The following IL6R variants were observed in gnomAD, a reference collection of about 807,000 sequenced individuals.
IL6R encodes interleukin 6 receptor, also known as interleukin-6 receptor subunit alpha.
A neutral mutation model predicts 48.3 loss-of-function variants in IL6R; 38 were observed. The observed-to-expected ratio is 0.79, with a 90% CI of 0.61 to 1.03. IL6R has a LOEUF of 1.03. IL6R is among the 50% of genes least tolerant of loss of function. The pLI is 0.00. For missense variants in IL6R, 534 were observed against 618.3 expected, an observed-to-expected ratio of 0.86 and a Z score of 1.45; for synonymous variants, 264 against 256.2, an observed-to-expected ratio of 1.03 and a Z score of -0.29.
At chr1:154,452,906 A>G (rs999960005) in intron 8 of IL6R, among the ~76,000 whole-genome samples, 2 of 149,270 alleles carry the variant, frequency 1.3e-5, no homozygotes. Flanking sequence ...GTTGGATGAA[A>G]GAAGGAACAA....
Position 154,405,397 on chromosome 1 carries a change from G to T in IL6R, c.-233G>T. ...CGCCGCTCTGAGTCATGTGCGAGTG[G>T]GAAGTCGCACTGACACTGAGCCGGG... On this transcript the variant is annotated 5_prime_UTR_variant, in exon 1 of 10. Coordinates refer to ENST00000368485, the MANE Select transcript of IL6R (RefSeq NM_000565.4). The surrounding 1 kb of genome is among the most constrained non-coding windows in gnomAD (Gnocchi z 5.2). 1 of 515,264 alleles carries T rather than the reference G, an allele frequency of 1.9e-6. No homozygotes were observed. The highest frequency in any genetic ancestry group is 3.4e-6 in the Non-Finnish European group (1 of 294,144). The allele number at this position is 515,264 out of a possible 1,614,324, so 31.9% of individuals were successfully genotyped here.
At chr1:154,409,349 C>T (rs1003714006) in intron 1 of IL6R, among the ~76,000 whole-genome samples, 1 of 152,046 alleles carries the variant, frequency 6.6e-6, no homozygotes, top group East Asian at 1.9e-4. Context: ...TTTCCTTTAT[C>T]CCCCTCTGCC....
At chr1:154,439,989 G>C (rs958243693) in intron 6 of IL6R, among the ~76,000 whole-genome samples, 1 of 151,924 alleles carries the variant, frequency 6.6e-6, no homozygotes, top group Non-Finnish European at 1.5e-5. Context: ...TGCAACCTCT[G>C]CCTCCCGGGT....
rs1557778571 is a variant in IL6R, at chr1:154,454,574, G to GT, written c.1155dup (p.Leu386SerfsTer55). ...CGGAACGCTCCTCTGCATTGCCATT[G>GT]TTCTGAGGTGAGATGGGTCCCAGGG... On this transcript the variant is annotated frameshift_variant, in exon 9 of 10. Coordinates refer to ENST00000368485, the MANE Select transcript of IL6R (RefSeq NM_000565.4). LOFTEE classifies it low-confidence loss of function (END_TRUNC). 1 of 1,610,168 alleles carries GT rather than the reference G, an allele frequency of 6.2e-7. No individual in the cohort carries two copies. Among genetic ancestry groups the GT allele is most frequent in the Non-Finnish European group, 8.5e-7 (1 of 1,176,500 alleles).
intron 1 of IL6R, among the ~76,000 whole-genome samples, chr1:154,417,969 G>A (rs1262039423): frequency 1.3e-5 from 2 of 152,150 alleles, no homozygotes; most frequent in Non-Finnish European, 2.9e-5. Context: ...TCCTGACCTT[G>A]TGATCCGACC....
In IL6R at chr1:154,467,935, G is replaced by T. The variant is rs1490385666; in HGVS notation, c.*2555G>T. ...CTTTATACCGTTTTACCCACATGTG[G>T]TGTTACCAAAGCCGGGCAGAACCAT... On this transcript the variant is annotated 3_prime_UTR_variant, in exon 10 of 10. Transcript: ENST00000368485. 1 of 152,178 alleles carries T rather than the reference G, an allele frequency of 6.6e-6. No individual in the cohort carries two copies. The highest frequency in any genetic ancestry group is 1.5e-5 in the Non-Finnish European group (1 of 68,048). 9.4% of individuals were successfully genotyped at this position (152,178 alleles called of 1,614,324 possible).
intron 8 of IL6R, among the ~76,000 whole-genome samples, chr1:154,451,240 G>T (rs1021640754): frequency 2.0e-5 from 3 of 152,166 alleles, no homozygotes; most frequent in Non-Finnish European, 4.4e-5. Context: ...GCTATGGGCC[G>T]GGCGCGGTGG....
At chr1:154,442,667 G>A (rs1690005642) in intron 6 of IL6R, among the ~76,000 whole-genome samples, 1 of 152,238 alleles carries the variant, frequency 6.6e-6, no homozygotes, top group African/African-American at 2.4e-5. Flanking sequence ...GCTTTGGCCA[G>A]CAAGGCCAGC....
intron 8 of IL6R, 124 bp downstream of exon 8, chr1:154,450,104 C>CTCTG: frequency 2.1e-6 from 1 of 479,148 alleles, no homozygotes. Context: ...CAGAAATGTT[C>CTCTG]TGTGTGTGTG....
chr1:154,458,855 C>T (rs1024309486), intron 9 of IL6R, among the ~76,000 whole-genome samples: 4 of 150,834 alleles, frequency 2.7e-5, no homozygotes, highest in Non-Finnish European at 4.4e-5. Flanking sequence ...GAGCCGAGAT[C>T]GCGCCACTGC....
chr1:154,433,190 G>A (rs375038457), intron 3 of IL6R, among the ~76,000 whole-genome samples: 217 of 152,352 alleles, frequency 1.4e-3, no homozygotes, highest in African/African-American at 5.1e-3. Flanking sequence ...GCCTGGAAAG[G>A]TTGGGTTTGT....
intron 1 of IL6R, among the ~76,000 whole-genome samples, chr1:154,423,979 G>A (rs576491508): frequency 4.6e-4 from 70 of 152,332 alleles, no homozygotes; most frequent in African/African-American, 1.5e-3. Context: ...AGAGCTTCCC[G>A]CTGAACTGGG....
chr1:154,417,611 C>A (rs1688425555), intron 1 of IL6R, among the ~76,000 whole-genome samples: 2 of 152,048 alleles, frequency 1.3e-5, no homozygotes, highest in South Asian at 2.1e-4. Flanking sequence ...ACAGGGTTGC[C>A]CAGGGTGGAG....
In IL6R at chr1:154,448,132, G is replaced by A. The variant is rs866229887; in HGVS notation, c.957G>A (p.Arg319=). ...EAMGTPWTES[R]SPPAENEVST... ...CCTTTCTTCTGTCCGCAGAATCCAG[G>A]AGTCCTCCAGCTGAGAACGAGGTGT... is the stretch of plus-strand genomic sequence containing the variant. Residue 319 remains arginine (R), a synonymous_variant, in exon 7 of 10, where the codon AGG becomes AGA. Transcript: ENST00000368485. 2.5e-6 allele frequency: 4 copies of A among 1,613,806 alleles called. No individual in the cohort carries two copies. The Middle Eastern group carries it at 6.7e-4, about 269-fold the overall frequency.
In IL6R at chr1:154,409,669, A is replaced by ACAC. The variant is rs542824430; in HGVS notation, c.85+3957_85+3959dup. 2.9e-3 allele frequency among the ~76,000 whole-genome samples: 441 copies of ACAC among 152,274 alleles called. 3 individuals carry two copies. Among genetic ancestry groups the ACAC allele is most frequent in the African/African-American group, 0.01 (423 of 41,548 alleles). On this transcript the variant is annotated intron_variant, in intron 1 of 9. Coordinates refer to ENST00000368485, the MANE Select transcript of IL6R (RefSeq NM_000565.4). Reference sequence around the variant, plus strand: ...CTCCAAAAATATATTTTTGGAGTGAACACCTCCTACTCTGTTCCAGGCACT... The same window carrying ACAC: ...CTCCAAAAATATATTTTTGGAGTGAACACCACCTCCTACTCTGTTCCAGGCACT...
chr1:154,425,497 C>T (rs1688912357), intron 1 of IL6R, among the ~76,000 whole-genome samples: 1 of 152,092 alleles, frequency 6.6e-6, no homozygotes, highest in African/African-American at 2.4e-5. Flanking sequence ...ATAAATGAGG[C>T]CGGGCCAGGT....
At chr1:154,418,812 C>T (rs1224244479) in intron 1 of IL6R, among the ~76,000 whole-genome samples, 1 of 152,132 alleles carries the variant, frequency 6.6e-6, no homozygotes. Context: ...AGAGAAAGGC[C>T]AAGGGCACGA....
chr1:154,458,412 C>T (rs879439665), intron 9 of IL6R, among the ~76,000 whole-genome samples: 1 of 152,166 alleles, frequency 6.6e-6, no homozygotes, highest in Non-Finnish European at 1.5e-5. Context: ...TGTCAGCATC[C>T]ACGGGTTCAC....
At position 154,434,973 on chromosome 1, in the gene IL6R, G is replaced by A. The variant is rs1389965239; in HGVS notation, c.641-17G>A. 2.5e-6 allele frequency: 4 copies of A among 1,613,014 alleles called. No homozygotes were observed. The South Asian group carries it at 4.4e-5, about 18-fold the overall frequency. Reference sequence around the variant, plus strand: ...ATATTTGGTGCTGCAAAGGAGTCATGCTCACTTTTCCCACAGTGCAGCCTG... The same window carrying A: ...ATATTTGGTGCTGCAAAGGAGTCATACTCACTTTTCCCACAGTGCAGCCTG... On this transcript the variant is annotated splice_polypyrimidine_tract_variant and intron_variant, in intron 4 of 9. Coordinates refer to ENST00000368485, the MANE Select transcript of IL6R (RefSeq NM_000565.4).
Sources: gnomAD v4.1 joint callset for allele counts (sites outside exome capture counted in the v4.1 genomes callset) on GRCh38, gnomAD v4.1.1 for gene constraint, Gnocchi (gnomAD v3.1) non-coding constraint, MANE v1.5 for transcripts, NCBI Gene and HGNC (gene_info 2026-07-23, HGNC 2026-07-21) for gene names.